AASDH: variants seen among roughly 807,000 people sequenced by gnomAD.
AASDH encodes the protein beta-alanine-activating enzyme.
AASDH carries 81 observed loss-of-function variants against 102.3 expected under a neutral mutation model. The ratio of observed to expected loss-of-function variants is 0.79; its 90% confidence interval spans 0.66 to 0.95. The LOEUF is 0.95. Among genes scored for constraint, AASDH ranks in the 40% least tolerant of loss-of-function variants. The probability of loss-of-function intolerance (pLI) is 0.00; values close to 1 mark genes in which losing one functional copy is unlikely to be tolerated. For synonymous variants in AASDH, 398 were observed against 454.0 expected, an observed-to-expected ratio of 0.88 and a Z score of 1.57; for missense variants, 1,203 against 1,266.2, an observed-to-expected ratio of 0.95 and a Z score of 0.76.
At position 56,371,500 on chromosome 4, in the gene AASDH, G is replaced by C; in HGVS notation, c.812C>G (p.Ser271Ter). Residue 271 changes from serine to a stop codon, truncating the protein, a stop_gained, in exon 5 of 15, where the codon TCA becomes TGA. Transcript: ENST00000205214. LOFTEE classifies it high-confidence loss of function. ...IVPTSVKLLP[S>*]KLASVLFSHH... ...GGAAAAGAGAACGCTGGCTAATTTT[G>C]ATGGGAGCAACTTGACGGAAGTTGG... The C allele has an allele frequency of 8.7e-6, 14 of 1,613,082 alleles. No homozygotes were observed. The highest frequency in any genetic ancestry group is 1.2e-5 in the Non-Finnish European group (14 of 1,179,886).
In AASDH at chr4:56,338,318, A is replaced by C. The variant is rs1291596919; in HGVS notation, c.*84T>G. On this transcript the variant is annotated 3_prime_UTR_variant, in exon 15 of 15. Coordinates refer to ENST00000205214, the MANE Select transcript of AASDH (RefSeq NM_181806.4). ...CTTAGCCAAAATATAATCTTCTTTA[A>C]TATAAAATAAGTCCACATGATGTAT... The C allele has an allele frequency of 5.9e-6, 7 of 1,186,472 alleles. No individual in the cohort carries two copies. The highest frequency in any genetic ancestry group is 2.4e-5 in the Admixed American group (1 of 40,988). 73.5% of individuals were successfully genotyped at this position (1,186,472 alleles called of 1,614,324 possible).
intron 5 of AASDH, among the ~76,000 whole-genome samples, chr4:56,367,875 C>A (rs80023748): frequency 0.63 from 94,898 of 149,898 alleles, 30,149 homozygotes; most frequent in Admixed American, 0.71. Flanking sequence ...AATGGGATCT[C>A]ATTAAACTAA....
At chr4:56,359,768 A>G (rs1329918901) in intron 5 of AASDH, among the ~76,000 whole-genome samples, 1 of 150,698 alleles carries the variant, frequency 6.6e-6, no homozygotes, top group Non-Finnish European at 1.5e-5. Flanking sequence ...CATCTTGGCC[A>G]GGCTAGTCTT....
Position 56,368,640 on chromosome 4 carries a change from G to A in AASDH, c.861+2811C>T, listed in dbSNP as rs574590721. Reference sequence around the variant, plus strand: ...AAGGACAAAAAACCAAACACCGCATGTTCTCACTCATGGGTGGGAATTGAA... The same window carrying A: ...AAGGACAAAAAACCAAACACCGCATATTCTCACTCATGGGTGGGAATTGAA... On this transcript the variant is annotated intron_variant, in intron 5 of 14. Transcript: ENST00000205214. Among the ~76,000 whole-genome samples, 7 of 147,096 alleles carry A rather than the reference G, an allele frequency of 4.8e-5. No homozygotes were observed. The South Asian group carries it at 1.5e-3, about 32-fold the overall frequency.
chr4:56,383,069 A>G (rs1241012227), intron 2 of AASDH, among the ~76,000 whole-genome samples: 1 of 152,198 alleles, frequency 6.6e-6, no homozygotes, highest in Non-Finnish European at 1.5e-5. Context: ...AAAATAAATA[A>G]ATACATAAAC....
chr4:56,359,899 T>C (rs1424223634), intron 5 of AASDH, among the ~76,000 whole-genome samples: 1 of 152,108 alleles, frequency 6.6e-6, no homozygotes, highest in Admixed American at 6.5e-5. Flanking sequence ...AGTCATCCCA[T>C]GTGTAGAAAG....
intron 11 of AASDH, among the ~76,000 whole-genome samples, chr4:56,345,816 G>C (rs1748265464): frequency 6.6e-6 from 1 of 152,206 alleles, no homozygotes. Flanking sequence ...TATGTGTCAG[G>C]CGTTATTCTA....
At chr4:56,359,317 C>A (rs535066367) in intron 5 of AASDH, among the ~76,000 whole-genome samples, 323 of 149,722 alleles carry the variant, frequency 2.2e-3, no homozygotes, top group African/African-American at 7.7e-3. Context: ...CGGCTCACCA[C>A]AACATCCGCC....
chr4:56,373,481 G>A (rs1192439920), intron 4 of AASDH, among the ~76,000 whole-genome samples: 1 of 152,074 alleles, frequency 6.6e-6, no homozygotes, highest in Non-Finnish European at 1.5e-5. Flanking sequence ...GAGGGGTTCA[G>A]TTACTATGGC....
chr4:56,385,246 CAG>C (rs1185736100), intron 1 of AASDH, among the ~76,000 whole-genome samples: 4 of 152,214 alleles, frequency 2.6e-5, no homozygotes, highest in Non-Finnish European at 5.9e-5. Context: ...TATATAAAAA[CAG>C]TGTTTATTAC....
rs762038937 is a variant in AASDH, at chr4:56,351,426, T to G, written c.1608A>C (p.Ile536=). Residue 536 remains isoleucine (I), a synonymous_variant, in exon 10 of 15, where the codon ATA becomes ATC. Transcript: ENST00000205214. ...GKIDVSELNK[I]YLNYINLKSE... is the part of the protein sequence containing the mutation. Reference sequence around the variant, plus strand: ...ACTTCAAGTTTATGTAGTTTAAATATATCTTGTTTAACTCAGAAACATCAA... The same window carrying G: ...ACTTCAAGTTTATGTAGTTTAAATAGATCTTGTTTAACTCAGAAACATCAA... 1 of 1,593,138 alleles carries G rather than the reference T, an allele frequency of 6.3e-7. No homozygotes were observed. Among genetic ancestry groups the G allele is most frequent in the East Asian group, 2.2e-5 (1 of 44,628 alleles).
At chr4:56,360,441 T>C (rs1750159890) in intron 5 of AASDH, among the ~76,000 whole-genome samples, 3 of 152,196 alleles carry the variant, frequency 2.0e-5, no homozygotes, top group Admixed American at 6.5e-5. Context: ...AGTGAGCCCC[T>C]TCAAACAGAC....
chr4:56,386,799 CAAAAAAAAAAAAA>C (rs386400124), intron 1 of AASDH, among the ~76,000 whole-genome samples: 4 of 48,836 alleles, frequency 8.2e-5, no homozygotes, highest in Admixed American at 3.5e-4. Flanking sequence ...GACTCCGTCT[CAAAAAAAAAAAAA>C]AAAAAAAAAA....
chr4:56,355,492 T>C (rs1202878094), intron 5 of AASDH, 69 bp from the exon 6 acceptor site: 1 of 1,428,962 alleles, frequency 7.0e-7, no homozygotes, highest in East Asian at 2.5e-5. Flanking sequence ...ACTGTAGTTA[T>C]TATTTCAAAG....
intron 14 of AASDH, among the ~76,000 whole-genome samples, 184 bp downstream of exon 14, chr4:56,342,651 C>T (rs540033791): frequency 2.6e-5 from 4 of 151,832 alleles, no homozygotes; most frequent in South Asian, 2.1e-4. Flanking sequence ...TTCTCAACAC[C>T]GTGAGTTGAA....
intron 11 of AASDH, 85 bp downstream of exon 11, chr4:56,349,178 T>C: frequency 7.1e-7 from 1 of 1,416,386 alleles, no homozygotes; most frequent in Non-Finnish European, 9.6e-7. Flanking sequence ...CATATTTAGA[T>C]TTTTAAAAAA....
chr4:56,377,789 T>C (rs1267177628), intron 4 of AASDH, among the ~76,000 whole-genome samples: 1 of 152,194 alleles, frequency 6.6e-6, no homozygotes, highest in African/African-American at 2.4e-5. Context: ...TTTTTTTCCC[T>C]TTAAAATACA....
chr4:56,356,792 C>G, intron 5 of AASDH: 1 of 741,448 alleles, frequency 1.3e-6, no homozygotes, highest in Admixed American at 1.7e-5. Context: ...CTAGTGGAAG[C>G]TATTAGGACC....
chr4:56,363,242 G>A lies in AASDH; in HGVS notation c.862-7819C>T, dbSNP rs191740912. Reference sequence around the variant, plus strand: ...GCAGCCAGGAAGCTCAAACTGGGTGGAGCCCAGCACAGCTCAAGGAGGCCT... The same window carrying A: ...GCAGCCAGGAAGCTCAAACTGGGTGAAGCCCAGCACAGCTCAAGGAGGCCT... On this transcript the variant is annotated intron_variant, in intron 5 of 14. Coordinates refer to ENST00000205214, the MANE Select transcript of AASDH (RefSeq NM_181806.4). Among the ~76,000 whole-genome samples the A allele has an allele frequency of 4.0e-3, 603 of 152,336 alleles. 5 individuals carry two copies. Among genetic ancestry groups the A allele is most frequent in the East Asian group, 0.033 (170 of 5,170 alleles).
Sources: allele counts gnomAD v4.1 joint callset (sites outside exome capture counted in the v4.1 genomes callset), GRCh38; gene constraint gnomAD v4.1.1; transcripts MANE v1.5; gene names NCBI Gene and HGNC (gene_info 2026-07-23, HGNC 2026-07-21).